Variants in CSNK1G1 observed in about 807,000 individuals in gnomAD.
CSNK1G1 encodes casein kinase 1 gamma 1.
A neutral mutation model predicts 59.6 loss-of-function variants in CSNK1G1; 22 were observed. That is an observed-to-expected ratio of 0.37 (90% CI 0.26 to 0.53). The LOEUF (loss-of-function observed/expected upper bound fraction) is 0.53, where lower values mean the gene tolerates loss of function less well. Among genes scored for constraint, CSNK1G1 ranks in the 20% least tolerant of loss-of-function variants. The probability of loss-of-function intolerance (pLI) is 0.89; values close to 1 mark genes in which losing one functional copy is unlikely to be tolerated. For synonymous variants in CSNK1G1, 179 were observed against 177.1 expected (o/e 1.01, Z -0.08); for missense variants, 384 against 519.5 (o/e 0.74, Z 2.54).
chr15:64,299,301 A>G (rs1316833920), intron 2 of CSNK1G1, among the ~76,000 whole-genome samples: 1 of 152,096 alleles, frequency 6.6e-6, no homozygotes, highest in East Asian at 1.9e-4. Flanking sequence ...TAAAAAGTAT[A>G]TAAATGGCCG....
chr15:64,199,728 C>T (rs2082083499), intron 10 of CSNK1G1, among the ~76,000 whole-genome samples: 1 of 152,070 alleles, frequency 6.6e-6, no homozygotes, highest in South Asian at 2.1e-4. Context: ...TGGCGTGCGC[C>T]TGCAGTCCCA....
chr15:64,352,777 G>A (rs934776944), intron 1 of CSNK1G1, among the ~76,000 whole-genome samples: 1 of 151,654 alleles, frequency 6.6e-6, no homozygotes, highest in Non-Finnish European at 1.5e-5. Flanking sequence ...AAAGAGACAT[G>A]GGGAAGAAAT....
intron 2 of CSNK1G1, among the ~76,000 whole-genome samples, chr15:64,266,596 G>T (rs1191032204): frequency 1.3e-5 from 2 of 151,962 alleles, no homozygotes; most frequent in Non-Finnish European, 2.9e-5. Flanking sequence ...AAAGCCAAAA[G>T]AATCACTCTA....
Position 64,259,483 on chromosome 15 carries a change from TACACACACACACACAC to T in CSNK1G1, c.182-258_182-243del, listed in dbSNP as rs59936401. Reference sequence around the variant, plus strand: ...CCTAAAAGAGAAAACAAATCTCTCTTACACACACACACACACACACACACACACACACACACACACA... The same window carrying T: ...CCTAAAAGAGAAAACAAATCTCTCTTACACACACACACACACACACACACA... On this transcript the variant is annotated intron_variant, in intron 2 of 11. Coordinates refer to ENST00000303052, the MANE Select transcript of CSNK1G1 (RefSeq NM_022048.5). Among the ~76,000 whole-genome samples, 405 of 139,820 alleles carry T rather than the reference TACACACACACACACAC, an allele frequency of 2.9e-3. 1 individual carries two copies. Among genetic ancestry groups the T allele is most frequent in the African/African-American group, 9.9e-3 (383 of 38,504 alleles). The allele number at this position is 139,820 out of a possible 152,430, so 91.7% of individuals were successfully genotyped here.
rs545460032 is a variant in CSNK1G1 at position 64,292,853 on chromosome 15, G to A, written c.181+7466C>T. Among the ~76,000 whole-genome samples, 4 of 152,198 alleles carry A rather than the reference G, an allele frequency of 2.6e-5. No individual in the cohort carries two copies. In the East Asian group the frequency reaches 7.7e-4, roughly 29 times the overall value. ...TGAGGCAGGAGAACTGCTTGAACCT[G>A]GGAGGCAGAGGTTGCAGTGAGCCAA... On this transcript the variant is annotated intron_variant, in intron 2 of 11. Coordinates refer to ENST00000303052, the MANE Select transcript of CSNK1G1 (RefSeq NM_022048.5).
intron 2 of CSNK1G1, among the ~76,000 whole-genome samples, chr15:64,286,856 T>C (rs1894450544): frequency 6.6e-6 from 1 of 152,182 alleles, no homozygotes; most frequent in Non-Finnish European, 1.5e-5. Flanking sequence ...TTTTTCCTCC[T>C]CACCCCCTGG....
At chr15:64,287,824 T>C (rs557593440) in intron 2 of CSNK1G1, among the ~76,000 whole-genome samples, 19 of 152,250 alleles carry the variant, frequency 1.2e-4, no homozygotes, top group African/African-American at 4.3e-4. Flanking sequence ...TAAAAATGTA[T>C]AACATAGACA....
intron 3 of CSNK1G1, among the ~76,000 whole-genome samples, chr15:64,258,485 A>G (rs1892515060): frequency 6.6e-6 from 1 of 152,142 alleles, no homozygotes; most frequent in Non-Finnish European, 1.5e-5. Flanking sequence ...TCCAACTAAT[A>G]AAACAAAGCT....
intron 1 of CSNK1G1, among the ~76,000 whole-genome samples, chr15:64,307,780 G>T (rs113946918): frequency 0.044 from 6,715 of 152,214 alleles, 193 homozygotes; most frequent in South Asian, 0.084. Flanking sequence ...TCCGTCTCCC[G>T]GGTTCACGCC....
At chr15:64,264,359 G>A (rs1892867692) in intron 2 of CSNK1G1, among the ~76,000 whole-genome samples, 1 of 152,042 alleles carries the variant, frequency 6.6e-6, no homozygotes, top group Non-Finnish European at 1.5e-5. Flanking sequence ...AGAATAACAA[G>A]TAATAAGATG....
chr15:64,223,759 C>T (rs1208710100), intron 4 of CSNK1G1, among the ~76,000 whole-genome samples: 1 of 152,096 alleles, frequency 6.6e-6, no homozygotes, highest in East Asian at 1.9e-4. Flanking sequence ...TATGAAAGAG[C>T]CTTTCCATCA....
chr15:64,183,167 T>C (rs1596057532), intron 10 of CSNK1G1, among the ~76,000 whole-genome samples: 1 of 152,314 alleles, frequency 6.6e-6, no homozygotes, highest in East Asian at 1.9e-4. Flanking sequence ...CTCTGGGTCA[T>C]GGGGCCTGCT....
chr15:64,188,251 A>G lies in CSNK1G1; in HGVS notation c.1108-7797T>C, dbSNP rs1257060985. 4.7e-6 allele frequency: 3 copies of G among 638,872 alleles called. No homozygotes were observed. Among genetic ancestry groups the G allele is most frequent in the Non-Finnish European group, 7.9e-6 (3 of 378,678 alleles). The allele number at this position is 638,872 out of a possible 1,614,324, so 39.6% of individuals were successfully genotyped here. A position where few individuals can be genotyped will look rare whatever the true frequency, so the allele number is the denominator to read the frequency against. The stretch of plus-strand genomic sequence containing the variant: ...AAGTCCACCTAGACAGAAAATCTAC[A>G]GAGATATTCAATTAGCCCTTCCTGT... On this transcript the variant is annotated intron_variant, in intron 10 of 11. Transcript: ENST00000303052. The surrounding 1 kb of genome is among the most constrained non-coding windows in gnomAD (Gnocchi z 4.2).
chr15:64,256,954 C>T (rs750239458), intron 3 of CSNK1G1, among the ~76,000 whole-genome samples: 4 of 151,940 alleles, frequency 2.6e-5, no homozygotes, highest in Non-Finnish European at 5.9e-5. Flanking sequence ...AGACAGCTAC[C>T]TTATAGGAGT....
intron 4 of CSNK1G1, among the ~76,000 whole-genome samples, chr15:64,231,343 T>C (rs927307413): frequency 6.8e-6 from 1 of 147,338 alleles, no homozygotes; most frequent in African/African-American, 2.5e-5. Flanking sequence ...ATATATATTA[T>C]ATATATATTT....
intron 10 of CSNK1G1, among the ~76,000 whole-genome samples, chr15:64,201,090 G>C: frequency 6.6e-6 from 1 of 151,976 alleles, no homozygotes; most frequent in Non-Finnish European, 1.5e-5. Context: ...TGGCCAACAT[G>C]GCGAAACCTC....
chr15:64,206,208 G>A (rs1189908501), intron 7 of CSNK1G1, among the ~76,000 whole-genome samples: 5 of 152,050 alleles, frequency 3.3e-5, no homozygotes, highest in South Asian at 4.1e-4. Context: ...TTGGGAGGCC[G>A]AGGCAGGCGG....
At chr15:64,238,591 T>C (rs2082652122) in intron 4 of CSNK1G1, among the ~76,000 whole-genome samples, 1 of 145,880 alleles carries the variant, frequency 6.9e-6, no homozygotes, top group Non-Finnish European at 1.5e-5. Flanking sequence ...CTGTGTGACT[T>C]TAGGTAAGTT....
intron 1 of CSNK1G1, among the ~76,000 whole-genome samples, chr15:64,326,856 A>C (rs1596281621): frequency 6.6e-6 from 1 of 151,248 alleles, no homozygotes; most frequent in South Asian, 2.1e-4. Flanking sequence ...GCATTGCCTC[A>C]CCTGGGAAGC....
Sources: allele counts gnomAD v4.1 joint callset (sites outside exome capture counted in the v4.1 genomes callset), GRCh38; gene constraint gnomAD v4.1.1; non-coding constraint Gnocchi (gnomAD v3.1); transcripts MANE v1.5; gene names NCBI Gene and HGNC (gene_info 2026-07-23, HGNC 2026-07-21).